Variants in TRPM1 observed in about 807,000 individuals in gnomAD.
The protein encoded by TRPM1 is transient receptor potential cation channel subfamily M member 1.
Under a neutral mutation model 149.4 loss-of-function variants are expected in TRPM1, and 113 were observed. The observed-to-expected ratio is 0.76, with a 90% CI of 0.65 to 0.88. TRPM1 has a LOEUF of 0.88. Among genes scored for constraint, TRPM1 ranks in the 40% least tolerant of loss-of-function variants. TRPM1 has a pLI of 0.00. For missense variants in TRPM1, 1,976 were observed against 2,038.7 expected (o/e 0.97, Z 0.59); for synonymous variants, 741 against 759.5 (o/e 0.98, Z 0.40).
rs201837886 is a variant in TRPM1 at position 31,002,777 on chromosome 15, T to A, written c.3923A>T (p.Asp1308Val). 1.8e-5 allele frequency: 29 copies of A among 1,614,166 alleles called. No individual in the cohort carries two copies. Among genetic ancestry groups the A allele is most frequent in the Middle Eastern group, 3.3e-4 (2 of 6,060 alleles). Residue 1308 changes from aspartate (D) to valine (V), a missense_variant, in exon 28 of 28, where the codon GAT becomes GTT. Around this residue, in one of 3 missense-constraint regions of TRPM1, gnomAD observed 572 missense variants for 578.9 expected, o/e 0.99. Transcript: ENST00000256552. ...CCCTGGTGACGTGGAGAGAGATGTATCCTCAAATAATAACTCTTCTCCGTT... is the reference window on the plus strand; with the variant it reads ...CCCTGGTGACGTGGAGAGAGATGTAACCTCAAATAATAACTCTTCTCCGTT... ...HFNGEELLFE[D>V]TSLSTSPGTG...
rs1460367606 is a variant in TRPM1 at position 31,028,179 on chromosome 15, T to A, written c.3293+153A>T. On this transcript the variant is annotated intron_variant, in intron 25 of 27. Coordinates refer to ENST00000256552, the MANE Select transcript of TRPM1 (RefSeq NM_001252024.2). ...TATGAATACATTAAGACTGATTAAG[T>A]TTGAACAAAGAGACTGCAAAAATTG... 5.3e-5 allele frequency among the ~76,000 whole-genome samples: 8 copies of A among 152,348 alleles called. No individual in the cohort carries two copies. In the East Asian group the frequency reaches 1.5e-3, roughly 29 times the overall value.
intron 1 of TRPM1, among the ~76,000 whole-genome samples, chr15:31,130,391 A>C (rs2036001797): frequency 6.6e-6 from 1 of 152,210 alleles, no homozygotes; most frequent in Non-Finnish European, 1.5e-5. Flanking sequence ...GGCTGAACTA[A>C]CTTTGGGAGG....
chr15:31,039,641 G>A (rs771306160), intron 18 of TRPM1, among the ~76,000 whole-genome samples: 10 of 152,090 alleles, frequency 6.6e-5, no homozygotes, highest in Admixed American at 1.3e-4. Flanking sequence ...AAACCCTTTC[G>A]TAGCTTCCTA....
rs376396655 is a variant in TRPM1, at chr15:31,002,431, T to C, written c.4269A>G (p.Thr1423=). 4 of 1,614,148 alleles carry C rather than the reference T, an allele frequency of 2.5e-6. No homozygotes were observed. In the African/African-American group the frequency reaches 5.3e-5, roughly 22 times the overall value. ...TGCCTTCTATATTTGTCGTTTCCAC[T>C]GTTAGCTGAGTGTTTTGAACATCTG... The part of the protein sequence containing the change: ...DKSDVQNTQL[T]VETTNIEGTI... Residue 1423 remains threonine (T), a synonymous_variant, in exon 28 of 28, where the codon ACA becomes ACG. Transcript: ENST00000256552.
intron 2 of TRPM1, 60 bp downstream of exon 2, chr15:31,081,293 T>C (rs2034850155): frequency 1.3e-6 from 1 of 764,708 alleles, no homozygotes; most frequent in South Asian, 1.4e-5. Flanking sequence ...AGCATGTGAC[T>C]AACGTACTTT....
intron 1 of TRPM1, among the ~76,000 whole-genome samples, chr15:31,153,946 G>C (rs2036335553): frequency 6.6e-6 from 1 of 152,208 alleles, no homozygotes; most frequent in South Asian, 2.1e-4. Context: ...TCCCAGGACT[G>C]GGGAGAGGAT....
At chr15:31,113,786 T>A (rs908422374) in intron 1 of TRPM1, among the ~76,000 whole-genome samples, 2 of 152,232 alleles carry the variant, frequency 1.3e-5, no homozygotes, top group East Asian at 3.9e-4. Flanking sequence ...CTCTTAAAGG[T>A]GGCAAGGACC....
At chr15:31,150,103 C>G (rs2036279988) in intron 1 of TRPM1, among the ~76,000 whole-genome samples, 1 of 152,176 alleles carries the variant, frequency 6.6e-6, no homozygotes, top group Non-Finnish European at 1.5e-5. Flanking sequence ...TGCCCGCAGC[C>G]CTAAGTGTTC....
At position 31,001,990 on chromosome 15, in the gene TRPM1, G is replaced by C; in HGVS notation, c.4710C>G (p.Leu1570=). 3.1e-6 allele frequency: 5 copies of C among 1,614,152 alleles called. No individual in the cohort carries two copies. Among genetic ancestry groups the C allele is most frequent in the Non-Finnish European group, 4.2e-6 (5 of 1,180,032 alleles). ...KPDQTLGFPS[L]RSKSLHGHPR... ...GATGTCCATGTAAACTTTTTGACCT[G>C]AGAGATGGGAATCCCAAAGTTTGAT... The change falls in exon 28 of 28, where the codon CTC becomes CTG. Residue 1570 remains leucine (L), a synonymous_variant. Transcript: ENST00000256552.
intron 1 of TRPM1, among the ~76,000 whole-genome samples, chr15:31,097,718 G>A (rs1309663324): frequency 6.6e-6 from 1 of 152,148 alleles, no homozygotes; most frequent in African/African-American, 2.4e-5. Context: ...TATTTCCGAT[G>A]TGATCCAGCT....
chr15:31,024,783 C>T (rs551129982), intron 27 of TRPM1, among the ~76,000 whole-genome samples: 1 of 152,358 alleles, frequency 6.6e-6, no homozygotes, highest in South Asian at 2.1e-4. Flanking sequence ...GGTACCTTAA[C>T]TTTCTCATGA....
Position 31,031,149 on chromosome 15 carries a change from G to A in TRPM1, c.2961C>T (p.Asp987=). 1 of 1,614,206 alleles carries A rather than the reference G, an allele frequency of 6.2e-7. No individual in the cohort carries two copies. The highest frequency in any genetic ancestry group is 8.5e-7 in the Non-Finnish European group (1 of 1,180,028). Residue 987 remains aspartate, a synonymous_variant, in exon 23 of 28, where the codon GAC becomes GAT. Transcript: ENST00000256552. ...YVMMIGKMMI[D]MLYFVVIMLV... ...GCATGATGACCACAAAGTACAGCAT[G>A]TCGATCATCTGAGTAAGGAGAACAT...
chr15:31,032,662 G>A (rs767268311), intron 22 of TRPM1, 27 bp downstream of exon 22: 1 of 1,614,044 alleles, frequency 6.2e-7, no homozygotes, highest in South Asian at 1.1e-5. Flanking sequence ...AAGTCTCTCT[G>A]GATACCCACA....
At chr15:31,089,209 C>A (rs981394291) in intron 1 of TRPM1, among the ~76,000 whole-genome samples, 2 of 152,154 alleles carry the variant, frequency 1.3e-5, no homozygotes, top group Non-Finnish European at 2.9e-5. Context: ...CTAGGTAGTT[C>A]GTAATTCTCT....
Position 31,088,763 on chromosome 15 carries a change from T to G in TRPM1, c.-83-7325A>C, listed in dbSNP as rs907975894. 2.1e-5 allele frequency among the ~76,000 whole-genome samples: 3 copies of G among 144,792 alleles called. No homozygotes were observed. In the East Asian group the frequency reaches 6.8e-4, roughly 33 times the overall value. 95.0% of individuals were successfully genotyped at this position (144,792 alleles called of 152,430 possible). A position where few individuals can be genotyped will look rare whatever the true frequency, so the allele number is the denominator to read the frequency against. On this transcript the variant is annotated intron_variant, in intron 1 of 27. Transcript: ENST00000256552. ...GTCTTCCTGCTACCTGTGGGAACGT[T>G]CCCAACCATGGTATCAAACACCTGA...
rs376423807 is a variant in TRPM1, at chr15:31,047,946, G to C, written c.1573-7C>G. The C allele has an allele frequency of 6.2e-7, 1 of 1,613,428 alleles. No homozygotes were observed. Among genetic ancestry groups the C allele is most frequent in the African/African-American group, 1.3e-5 (1 of 74,928 alleles). On this transcript the variant is annotated splice_region_variant and splice_polypyrimidine_tract_variant and intron_variant, in intron 13 of 27. Coordinates refer to ENST00000256552, the MANE Select transcript of TRPM1 (RefSeq NM_001252024.2). Reference sequence around the variant, plus strand: ...TGTTTGGTGGACCCAGTCTCTGAAAGAGAAGCATTCATGTGTGTTAAATAT... The same window carrying C: ...TGTTTGGTGGACCCAGTCTCTGAAACAGAAGCATTCATGTGTGTTAAATAT...
Position 31,050,600 on chromosome 15 carries a change from C to A in TRPM1, c.1264-18G>T, listed in dbSNP as rs375583190. On this transcript the variant is annotated intron_variant, in intron 11 of 27. Transcript: ENST00000256552. ...CCCAGGGGCTGCAGTCCACAGCAAT[C>A]AGAGTTGGGAAATGGTACTAAGGCT... 3.4e-5 allele frequency: 55 copies of A among 1,613,870 alleles called. No individual in the cohort carries two copies. The highest frequency in any genetic ancestry group is 4.0e-5 in the Non-Finnish European group (47 of 1,179,998).
At chr15:31,113,899 C>G (rs906830068) in intron 1 of TRPM1, among the ~76,000 whole-genome samples, 3 of 152,166 alleles carry the variant, frequency 2.0e-5, no homozygotes, top group Non-Finnish European at 4.4e-5. Flanking sequence ...TGCTGGCTAA[C>G]GGGTGGGCAG....
chr15:31,082,140 G>C (rs1046400008), intron 1 of TRPM1, among the ~76,000 whole-genome samples: 8 of 152,204 alleles, frequency 5.3e-5, no homozygotes, highest in Non-Finnish European at 7.3e-5. Flanking sequence ...AAAGGAGAAA[G>C]CAGGGCTTCC....
Sources: allele counts gnomAD v4.1 joint callset (sites outside exome capture counted in the v4.1 genomes callset), GRCh38; gene constraint gnomAD v4.1.1; regional missense constraint gnomAD v4.1.1; transcripts MANE v1.5; gene names NCBI Gene and HGNC (gene_info 2026-07-23, HGNC 2026-07-21).